MILR1: variants seen among roughly 807,000 people sequenced by gnomAD.
MILR1 encodes mast cell immunoglobulin like receptor 1.
In MILR1, 31 loss-of-function variants were observed where a neutral mutation model predicts 18.5. The ratio of observed to expected loss-of-function variants is 1.68; its 90% confidence interval spans 1.26 to 2.26. MILR1 has a LOEUF of 2.26. MILR1 is among the 30% of genes most tolerant of loss of function. The probability of loss-of-function intolerance (pLI) is 0.00; values close to 1 mark genes in which losing one functional copy is unlikely to be tolerated. For missense variants in MILR1, 257 were observed against 157.4 expected (o/e 1.63, Z -3.38); for synonymous variants, 85 against 56.2 (o/e 1.51, Z -2.30).
chr17:64,490,941 C>T, the MILR1 span: 1 of 1,613,920 alleles, frequency 6.2e-7, no homozygotes, highest in Non-Finnish European at 8.5e-7. Flanking sequence ...ACAGTCACTG[C>T]TGCTGAAGTT....
At chr17:64,482,190 A>ACCT in the MILR1 span, among the ~76,000 whole-genome samples, 1 of 127,558 alleles carries the variant, frequency 7.8e-6, no homozygotes, top group East Asian at 2.4e-4. Context: ...TGCAACCTCC[A>ACCT]CCTCCCAGGT....
chr17:64,474,810 A>G, the MILR1 span, among the ~76,000 whole-genome samples: 5 of 152,100 alleles, frequency 3.3e-5, no homozygotes, highest in African/African-American at 4.8e-5. Context: ...CTTTTTTCCA[A>G]TAAAAAAAAC....
intron 2 of MILR1, among the ~76,000 whole-genome samples, chr17:64,450,347 G>GT (rs1207172630): frequency 6.6e-6 from 1 of 152,018 alleles, no homozygotes; most frequent in Non-Finnish European, 1.5e-5. Context: ...TAAACCATCC[G>GT]TAAGTGATAG....
At chr17:64,474,530 A>G in the MILR1 span, among the ~76,000 whole-genome samples, 3 of 151,780 alleles carry the variant, frequency 2.0e-5, no homozygotes, top group Non-Finnish European at 2.9e-5. Flanking sequence ...CTGAGCCACT[A>G]TGACTGGCTA....
At chr17:64,490,501 C>T in the MILR1 span, 3 of 380,694 alleles carry the variant, frequency 7.9e-6, no homozygotes, top group Non-Finnish European at 1.5e-5. Flanking sequence ...AGGAATTGTT[C>T]ATTTGAAGGA....
the MILR1 span, chr17:64,492,771 T>C: frequency 2.5e-6 from 4 of 1,607,488 alleles, no homozygotes; most frequent in Non-Finnish European, 3.4e-6. Flanking sequence ...TTCTCACCAA[T>C]ACTTTAGATA....
the MILR1 span, among the ~76,000 whole-genome samples, chr17:64,489,325 G>A: frequency 6.9e-6 from 1 of 144,020 alleles, no homozygotes; most frequent in Non-Finnish European, 1.5e-5. Flanking sequence ...TTGCTGACCA[G>A]TAAATCTAGA....
the MILR1 span, among the ~76,000 whole-genome samples, chr17:64,481,881 A>C: frequency 6.6e-6 from 1 of 151,618 alleles, no homozygotes; most frequent in Non-Finnish European, 1.5e-5. Flanking sequence ...TCTCAAAATA[A>C]ATAAATAAAT....
At chr17:64,481,187 T>C in the MILR1 span, 1 of 711,724 alleles carries the variant, frequency 1.4e-6, no homozygotes. Context: ...AAATGGTGAC[T>C]GAGCTACAGC....
the MILR1 span, among the ~76,000 whole-genome samples, chr17:64,489,918 A>G: frequency 6.6e-6 from 1 of 151,818 alleles, no homozygotes; most frequent in Admixed American, 6.6e-5. Context: ...ATTAATTACT[A>G]GTTAATTTTT....
chr17:64,474,421 CAGG>C, the MILR1 span, among the ~76,000 whole-genome samples: 3 of 152,070 alleles, frequency 2.0e-5, no homozygotes, highest in African/African-American at 2.4e-5. Flanking sequence ...GTTGCCCAGG[CAGG>C]AGTACAGTGG....
At chr17:64,491,600 G>C in the MILR1 span, 1 of 1,544,410 alleles carries the variant, frequency 6.5e-7, no homozygotes. Context: ...GGATCTTGAT[G>C]TGGGACTTCA....
chr17:64,465,389 C>T (rs905672410), intron 5 of MILR1, 63 bp from the exon 6 acceptor site: 96 of 1,181,420 alleles, frequency 8.1e-5, no homozygotes, highest in Non-Finnish European at 1.0e-4. Context: ...GCTCCTTGGC[C>T]GAGGAGATGA....
chr17:64,490,347 A>G, the MILR1 span: 945 of 184,868 alleles, frequency 5.1e-3, 14 homozygotes, highest in Non-Finnish European at 3.6e-3. Context: ...CTGAGAAGAG[A>G]GCTTCTCAGT....
At position 64,468,374 on chromosome 17, in the gene MILR1, C is replaced by T. The variant is rs562087107; in HGVS notation, c.*93C>T. The T allele has an allele frequency of 4.5e-6, 2 of 449,326 alleles. No homozygotes were observed. The highest frequency in any genetic ancestry group is 2.4e-5 in the Admixed American group (1 of 40,942). 27.8% of individuals were successfully genotyped at this position (449,326 alleles called of 1,614,324 possible). On this transcript the variant is annotated 3_prime_UTR_variant, in exon 10 of 10. Transcript: ENST00000619286. ...CGCGATCTTGGCTCACTTCAATCTC[C>T]ATCTTCCCAGTTCAAGCGATTCTCA...
chr17:64,492,792 C>T, the MILR1 span: 7 of 1,598,554 alleles, frequency 4.4e-6, no homozygotes, highest in African/African-American at 9.4e-5. Flanking sequence ...TAAAACGTAT[C>T]AGGAAGTTAG....
chr17:64,492,819 A>G, the MILR1 span: 1 of 1,601,228 alleles, frequency 6.2e-7, no homozygotes, highest in Non-Finnish European at 8.6e-7. Context: ...TGAAAATTAT[A>G]TAATTTATCC....
chr17:64,490,735 T>C, the MILR1 span: 1 of 1,346,306 alleles, frequency 7.4e-7, no homozygotes, highest in African/African-American at 1.4e-5. Flanking sequence ...TCTCAAATGG[T>C]TCGGAAATGA....
intron 5 of MILR1, among the ~76,000 whole-genome samples, chr17:64,463,965 A>T (rs2037488708): frequency 6.6e-6 from 1 of 151,554 alleles, no homozygotes; most frequent in Non-Finnish European, 1.5e-5. Context: ...CTGGGATTAC[A>T]GGCGCCCACC....
Sources: allele counts gnomAD v4.1 joint callset (sites outside exome capture counted in the v4.1 genomes callset), GRCh38; gene constraint gnomAD v4.1.1; transcripts MANE v1.5; gene names NCBI Gene and HGNC (gene_info 2026-07-23, HGNC 2026-07-21).